Variants in SLC2A9 observed in about 807,000 individuals in gnomAD.
SLC2A9 encodes the protein solute carrier family 2 member 9.
A neutral mutation model predicts 50.6 loss-of-function variants in SLC2A9; 39 were observed. The ratio of observed to expected loss-of-function variants is 0.77; its 90% CI spans 0.60 to 1.01. The LOEUF (loss-of-function observed/expected upper bound fraction) is 1.01. SLC2A9 is among the 50% of genes least tolerant of loss of function. SLC2A9 has a pLI of 0.00. For missense variants in SLC2A9, 686 were observed against 677.6 expected, an observed-to-expected ratio of 1.01 and a Z score of -0.14; for synonymous variants, 324 against 276.9, an observed-to-expected ratio of 1.17 and a Z score of -1.69.
chr4:9,949,694 C>G (rs1749854279), intron 5 of SLC2A9, among the ~76,000 whole-genome samples: 1 of 152,176 alleles, frequency 6.6e-6, no homozygotes, highest in African/African-American at 2.4e-5. Context: ...GTGGCAGCTG[C>G]TAGCTGAATA....
At chr4:9,825,596 T>C (rs1725016615), downstream of SLC2A9, among the ~76,000 whole-genome samples, 1 of 152,180 alleles carries the variant, frequency 6.6e-6, no homozygotes, top group African/African-American at 2.4e-5. Flanking sequence ...TTATTTTTCA[T>C]TTGGATGGAG....
At chr4:9,809,907 C>G (rs562818809) in intron 3 of SLC2A9, among the ~76,000 whole-genome samples, 82 of 150,666 alleles carry the variant, frequency 5.4e-4, no homozygotes, top group Non-Finnish European at 1.1e-3. Flanking sequence ...CCGGTCTAGA[C>G]AGATGCATGC....
intron 7 of SLC2A9, among the ~76,000 whole-genome samples, chr4:9,915,209 T>C (rs768978056): frequency 2.7e-4 from 41 of 152,238 alleles, no homozygotes; most frequent in Admixed American, 7.9e-4. Flanking sequence ...GCTAAGATTA[T>C]GGAGCACCAC....
At chr4:9,933,732 G>A (rs1458569544) in intron 6 of SLC2A9, among the ~76,000 whole-genome samples, 1 of 152,178 alleles carries the variant, frequency 6.6e-6, no homozygotes, top group Non-Finnish European at 1.5e-5. Flanking sequence ...TCTGAAGCAG[G>A]TGTCACTGGA....
Position 10,028,559 on chromosome 4 carries a change from C to G in SLC2A9, c.-40-2553G>C, listed in dbSNP as rs1763827359. 2.0e-5 allele frequency among the ~76,000 whole-genome samples: 3 copies of G among 148,182 alleles called. No individual in the cohort carries two copies. The South Asian group carries it at 6.5e-4, about 32-fold the overall frequency. On this transcript the variant is annotated intron_variant, in intron 1 of 12. Transcript: ENST00000309065. ...GGACAACATTATCCCTGCATAGAGA[C>G]CAATAATAATGCATGGACATCATAC...
chr4:9,778,913 G>A (rs115683354), downstream of SLC2A9, among the ~76,000 whole-genome samples: 1,989 of 151,652 alleles, frequency 0.013, 22 homozygotes, highest in South Asian at 0.022. Flanking sequence ...TCTGCCTCCC[G>A]CACACCACCA....
At chr4:9,991,629 T>A (rs929032900) in intron 3 of SLC2A9, among the ~76,000 whole-genome samples, 2 of 152,058 alleles carry the variant, frequency 1.3e-5, no homozygotes, top group Non-Finnish European at 2.9e-5. Flanking sequence ...GTGACTGCAT[T>A]TGGGGACAGG....
intron 4 of SLC2A9, among the ~76,000 whole-genome samples, chr4:9,984,463 C>T (rs762276516): frequency 1.7e-4 from 26 of 152,020 alleles, no homozygotes; most frequent in Non-Finnish European, 3.4e-4. Context: ...TGTGTGTTTC[C>T]GTTCAGCCTT....
chr4:9,832,121 C>T (rs1436462646), intron 11 of SLC2A9, among the ~76,000 whole-genome samples: 2 of 152,178 alleles, frequency 1.3e-5, no homozygotes, highest in Admixed American at 1.3e-4. Context: ...AGTAGATGAA[C>T]ACAGTAGCTC....
rs1010207089 is a variant in SLC2A9, at chr4:10,019,079, G to A, written c.151-6C>T. The stretch of plus-strand genomic sequence containing the variant: ...AGGAGCGAGCAGGACCAGTCCTGAG[G>A]GGAGAGGAAACCACGTCAGAGCCGG... On this transcript the variant is annotated splice_polypyrimidine_tract_variant and splice_region_variant and intron_variant, in intron 1 of 11. Coordinates refer to ENST00000264784, the MANE Select transcript of SLC2A9 (RefSeq NM_020041.3). 4.4e-5 allele frequency: 68 copies of A among 1,551,002 alleles called. No homozygotes were observed. Among genetic ancestry groups the A allele is most frequent in the Non-Finnish European group, 5.6e-5 (64 of 1,146,830 alleles).
At chr4:9,979,119 A>T (rs1001382423) in intron 5 of SLC2A9, among the ~76,000 whole-genome samples, 1 of 152,134 alleles carries the variant, frequency 6.6e-6, no homozygotes, top group Non-Finnish European at 1.5e-5. Context: ...TTGGATGTGT[A>T]AGACACAACC....
chr4:9,903,089 A>G (rs907315696), intron 8 of SLC2A9, among the ~76,000 whole-genome samples: 10 of 152,128 alleles, frequency 6.6e-5, no homozygotes, highest in Admixed American at 1.3e-4. Context: ...CCAGTATGAA[A>G]CAGAGCCCAG....
At chr4:9,936,153 A>G (rs1372366378) in intron 6 of SLC2A9, among the ~76,000 whole-genome samples, 1 of 152,022 alleles carries the variant, frequency 6.6e-6, no homozygotes, top group East Asian at 1.9e-4. Flanking sequence ...GAATCCCCAA[A>G]CTGATGGTAT....
intron 6 of SLC2A9, among the ~76,000 whole-genome samples, chr4:9,931,948 C>A (rs867068516): frequency 5.3e-4 from 32 of 60,628 alleles, no homozygotes; most frequent in Admixed American, 8.0e-4. Flanking sequence ...CTCTCTCTCT[C>A]TCTCTCTCTC....
At chr4:9,905,773 T>C (rs576031633) in intron 8 of SLC2A9, among the ~76,000 whole-genome samples, 23 of 152,234 alleles carry the variant, frequency 1.5e-4, no homozygotes, top group African/African-American at 5.3e-4. Context: ...ATGGCAGTCA[T>C]TGGACTTTCA....
chr4:9,967,063 T>C (rs1753161534), intron 5 of SLC2A9, among the ~76,000 whole-genome samples: 1 of 152,258 alleles, frequency 6.6e-6, no homozygotes, highest in African/African-American at 2.4e-5. Flanking sequence ...GTGGGAACTT[T>C]AGAACTCTTT....
At chr4:9,957,743 C>T (rs1353811651) in intron 5 of SLC2A9, among the ~76,000 whole-genome samples, 1 of 151,830 alleles carries the variant, frequency 6.6e-6, no homozygotes, top group Non-Finnish European at 1.5e-5. Flanking sequence ...AGAAAATGTT[C>T]CATAAAGAAC....
At chr4:9,984,509 T>G (rs553725399) in intron 4 of SLC2A9, among the ~76,000 whole-genome samples, 9 of 152,302 alleles carry the variant, frequency 5.9e-5, no homozygotes, top group African/African-American at 2.2e-4. Context: ...ATTACCACCA[T>G]TTTACAAATG....
chr4:9,935,354 C>T (rs573182021), intron 6 of SLC2A9, among the ~76,000 whole-genome samples: 8 of 152,314 alleles, frequency 5.3e-5, no homozygotes, highest in South Asian at 2.1e-4. Context: ...CACTGTCCCT[C>T]GGAGGGGGAG....
Sources: allele counts gnomAD v4.1 joint callset (sites outside exome capture counted in the v4.1 genomes callset), GRCh38; gene constraint gnomAD v4.1.1; transcripts MANE v1.5; gene names NCBI Gene and HGNC (gene_info 2026-07-23, HGNC 2026-07-21).